The following MTSS1 variants were observed in gnomAD, a reference collection of about 807,000 sequenced individuals.
MTSS1 encodes MTSS I-BAR domain containing 1.
Under a neutral mutation model 79.0 loss-of-function variants are expected in MTSS1, and 18 were observed. That is an observed-to-expected ratio of 0.23 (90% CI 0.16 to 0.34). The LOEUF (loss-of-function observed/expected upper bound fraction) is 0.34, where lower values mean the gene tolerates loss of function less well. MTSS1 is among the 10% of genes least tolerant of loss of function. The pLI, the probability that MTSS1 is intolerant of heterozygous loss-of-function variation, is 1.00. For synonymous variants in MTSS1, 341 were observed against 368.6 expected (o/e 0.93, Z 0.86); for missense variants, 815 against 986.2 (o/e 0.83, Z 2.33).
chr8:124,668,224 G>A (rs757179495), intron 3 of MTSS1, among the ~76,000 whole-genome samples: 60 of 152,192 alleles, frequency 3.9e-4, no homozygotes, highest in Non-Finnish European at 6.8e-4. Flanking sequence ...GTGGTGATTC[G>A]CTTTTTGTTT....
chr8:124,560,700 C>G (rs907690731), intron 10 of MTSS1, among the ~76,000 whole-genome samples: 5 of 152,172 alleles, frequency 3.3e-5, no homozygotes, highest in East Asian at 1.9e-4. Flanking sequence ...CACCGCAGGA[C>G]TGCAGGTTCA....
intron 10 of MTSS1, among the ~76,000 whole-genome samples, chr8:124,561,429 T>C (rs3829035): frequency 0.42 from 63,977 of 151,950 alleles, 15,620 homozygotes; most frequent in Non-Finnish European, 0.56. Context: ...AAACATAACA[T>C]GACAAAACAA....
At chr8:124,714,912 C>G (rs1831706644) in intron 1 of MTSS1, among the ~76,000 whole-genome samples, 1 of 152,156 alleles carries the variant, frequency 6.6e-6, no homozygotes, top group Non-Finnish European at 1.5e-5. Flanking sequence ...AAGCTTAATC[C>G]TCCCCAGAAT....
chr8:124,586,998 T>C (rs1266327953), intron 5 of MTSS1, among the ~76,000 whole-genome samples: 1 of 152,154 alleles, frequency 6.6e-6, no homozygotes, highest in Non-Finnish European at 1.5e-5. Flanking sequence ...ACACATCCTA[T>C]TTGAAGTCTC....
intron 1 of MTSS1, among the ~76,000 whole-genome samples, chr8:124,724,308 G>C (rs1020354825): frequency 7.9e-5 from 12 of 152,186 alleles, no homozygotes; most frequent in Admixed American, 7.2e-4. Context: ...CAGAACTTAG[G>C]AAAGAGGATA....
chr8:124,610,562 C>T (rs1428038380), intron 3 of MTSS1, among the ~76,000 whole-genome samples: 1 of 152,192 alleles, frequency 6.6e-6, no homozygotes, highest in Non-Finnish European at 1.5e-5. Context: ...CTAAAAGCTG[C>T]ATGAGACCTT....
Position 124,728,239 on chromosome 8 carries a change from T to G in MTSS1, c.-284A>C. ...AGAAGACTGACAATCAGGCCACCAC[T>G]GGTGCCCACTACGGAAACGGCAAAG... On this transcript the variant is annotated 5_prime_UTR_variant, in exon 1 of 14. Coordinates refer to ENST00000518547, the MANE Select transcript of MTSS1 (RefSeq NM_014751.6). The surrounding 1 kb of genome is among the most constrained non-coding windows in gnomAD (Gnocchi z 6.1). The G allele has an allele frequency of 1.0e-5, 3 of 290,542 alleles. No individual in the cohort carries two copies. In the East Asian group the frequency reaches 1.8e-4, roughly 17 times the overall value. 18.0% of individuals were successfully genotyped at this position (290,542 alleles called of 1,614,324 possible). A position where few individuals can be genotyped will look rare whatever the true frequency, so the allele number is the denominator to read the frequency against.
chr8:124,668,142 A>T (rs1364432183), intron 3 of MTSS1, among the ~76,000 whole-genome samples: 1 of 152,180 alleles, frequency 6.6e-6, no homozygotes, highest in Non-Finnish European at 1.5e-5. Flanking sequence ...TCTAAAACCA[A>T]GATGCCAACA....
At chr8:124,634,284 TTG>T (rs1402353714) in intron 3 of MTSS1, among the ~76,000 whole-genome samples, 1 of 140,876 alleles carries the variant, frequency 7.1e-6, no homozygotes, top group African/African-American at 3.0e-5. Flanking sequence ...TAGTTTTTTT[TTG>T]TTGTTGTTGT....
chr8:124,699,413 C>T (rs1460270062), intron 3 of MTSS1, 113 bp downstream of exon 3: 4 of 879,360 alleles, frequency 4.5e-6, no homozygotes, highest in East Asian at 2.7e-5. Flanking sequence ...TGGGAAAATA[C>T]GAGTCAGCTC....
intron 7 of MTSS1, chr8:124,568,142 T>C (rs997363140): frequency 5.2e-5 from 35 of 675,222 alleles, no homozygotes; most frequent in Non-Finnish European, 8.0e-5. Flanking sequence ...ACCACCCTGC[T>C]GGGCCTTCTT....
Position 124,585,147 on chromosome 8 carries a change from G to T in MTSS1, c.400C>A (p.Arg134Ser), listed in dbSNP as rs1361280992. The T allele has an allele frequency of 6.2e-7, 1 of 1,612,976 alleles. No homozygotes were observed. Residue 134 changes from arginine to serine, a missense_variant, in exon 6 of 14, where the codon CGC (arginine) becomes AGC (serine). Arg to Ser is a moderately radical substitution (Grantham distance 110). Transcript: ENST00000518547. ...GAGGACTTCTTTTTTATCTCTTGGC[G>T]GGCTTTCTTATATTCTAAGAGAAAG... is the stretch of plus-strand genomic sequence containing the variant. ...KDHAKEYKKA[R>S]QEIKKKSSDT...
intron 3 of MTSS1, among the ~76,000 whole-genome samples, chr8:124,680,929 C>T (rs1587773273): frequency 1.3e-5 from 2 of 152,268 alleles, no homozygotes; most frequent in South Asian, 4.1e-4. Context: ...CCAAGACCCT[C>T]CTGGCCAGAG....
chr8:124,696,865 G>GA (rs997374252), intron 3 of MTSS1, among the ~76,000 whole-genome samples: 4 of 143,606 alleles, frequency 2.8e-5, no homozygotes, highest in East Asian at 4.0e-4. Context: ...AAAAAAAAAA[G>GA]AAAAAAAAAT....
intron 3 of MTSS1, among the ~76,000 whole-genome samples, chr8:124,596,319 T>C (rs1832756384): frequency 6.6e-6 from 1 of 152,250 alleles, no homozygotes; most frequent in African/African-American, 2.4e-5. Context: ...AGTTGGTCAC[T>C]TGATGCCACT....
In MTSS1 at chr8:124,583,489, T is replaced by A. The variant is rs552827505; in HGVS notation, c.460+1598A>T. Among the ~76,000 whole-genome samples the A allele has an allele frequency of 1.1e-4, 16 of 152,332 alleles. No homozygotes were observed. In the South Asian group the frequency reaches 3.3e-3, roughly 32 times the overall value. ...CACCCAGAGGTATAAATTCTGCTAA[T>A]TGGGCAATGCCAGTGACTTTGAGTG... is the stretch of plus-strand genomic sequence containing the variant. On this transcript the variant is annotated intron_variant, in intron 6 of 13. Transcript: ENST00000518547.
chr8:124,677,735 G>T (rs1825538709), intron 3 of MTSS1, among the ~76,000 whole-genome samples: 1 of 152,066 alleles, frequency 6.6e-6, no homozygotes, highest in African/African-American at 2.4e-5. Context: ...AACCGGAAAA[G>T]AACAAGGCAA....
chr8:124,562,526 C>T (rs1293794751), intron 10 of MTSS1, among the ~76,000 whole-genome samples: 3 of 152,142 alleles, frequency 2.0e-5, no homozygotes, highest in African/African-American at 7.2e-5. Flanking sequence ...TCTTTCAATC[C>T]ATCTACTTAC....
chr8:124,636,742 A>G (rs1348798601), intron 3 of MTSS1, among the ~76,000 whole-genome samples: 2 of 152,152 alleles, frequency 1.3e-5, no homozygotes, highest in African/African-American at 4.8e-5. Context: ...CTAAGCACCC[A>G]TCGCCATTGG....
Sources: gnomAD v4.1 joint callset for allele counts (sites outside exome capture counted in the v4.1 genomes callset) on GRCh38, gnomAD v4.1.1 for gene constraint, Gnocchi (gnomAD v3.1) non-coding constraint, MANE v1.5 for transcripts, NCBI Gene and HGNC (gene_info 2026-07-23, HGNC 2026-07-21) for gene names.